UBXN2B: variants seen among roughly 807,000 people sequenced by gnomAD.
UBXN2B encodes the protein UBX domain protein 2B, also known as UBX domain-containing protein 2B.
Under a neutral mutation model 37.5 loss-of-function variants are expected in UBXN2B, and 19 were observed. That is an observed-to-expected ratio of 0.51 (90% CI 0.35 to 0.74). The LOEUF (loss-of-function observed/expected upper bound fraction) is 0.74. UBXN2B is among the 30% of genes least tolerant of loss of function. UBXN2B has a pLI of 0.01. For missense variants in UBXN2B, 370 were observed against 393.2 expected, an observed-to-expected ratio of 0.94 and a Z score of 0.50; for synonymous variants, 145 against 143.8, an observed-to-expected ratio of 1.01 and a Z score of -0.06.
chr8:58,427,493 G>A (rs1423171632), intron 2 of UBXN2B, among the ~76,000 whole-genome samples: 1 of 152,200 alleles, frequency 6.6e-6, no homozygotes, highest in East Asian at 1.9e-4. Flanking sequence ...TTGGATTGAG[G>A]TAGTGTCAAT....
intron 5 of UBXN2B, among the ~76,000 whole-genome samples, chr8:58,436,463 G>A (rs1044872925): frequency 1.3e-5 from 2 of 152,208 alleles, no homozygotes; most frequent in African/African-American, 4.8e-5. Flanking sequence ...ATCTCCTGTT[G>A]CAGTGCATCT....
chr8:58,443,806 C>T (rs1369567276), intron 6 of UBXN2B, among the ~76,000 whole-genome samples: 1 of 151,922 alleles, frequency 6.6e-6, no homozygotes, highest in Non-Finnish European at 1.5e-5. Flanking sequence ...ACACTGCATC[C>T]CAGAAAAATA....
At chr8:58,446,147 T>A (rs1808662336) in intron 7 of UBXN2B, 79 bp downstream of exon 7, 1 of 1,366,252 alleles carries the variant, frequency 7.3e-7, no homozygotes, top group Non-Finnish European at 9.7e-7. Flanking sequence ...GTATGTGACT[T>A]GAGTAATGAA....
intron 2 of UBXN2B, among the ~76,000 whole-genome samples, chr8:58,427,630 G>A (rs1461884305): frequency 6.6e-6 from 1 of 152,122 alleles, no homozygotes; most frequent in Non-Finnish European, 1.5e-5. Flanking sequence ...TTTTAAATTT[G>A]GGATACAGGA....
At chr8:58,427,880 G>A (rs1021033286) in intron 2 of UBXN2B, among the ~76,000 whole-genome samples, 3 of 152,184 alleles carry the variant, frequency 2.0e-5, no homozygotes, top group Admixed American at 6.5e-5. Flanking sequence ...AAGGATATGG[G>A]CATATTTATG....
intron 2 of UBXN2B, among the ~76,000 whole-genome samples, chr8:58,417,784 A>G (rs372658487): frequency 1.1e-4 from 17 of 152,172 alleles, no homozygotes; most frequent in East Asian, 5.8e-4. Context: ...AGTTGGTACA[A>G]TGTTACATTG....
At position 58,448,235 on chromosome 8, in the gene UBXN2B, A is replaced by G. The variant is rs1808723733; in HGVS notation, c.*684A>G. 6.7e-6 allele frequency: 1 copy of G among 149,068 alleles called. No individual in the cohort carries two copies. The highest frequency in any genetic ancestry group is 1.5e-5 in the Non-Finnish European group (1 of 67,692). 9.2% of individuals were successfully genotyped at this position (149,068 alleles called of 1,614,324 possible). A position where few individuals can be genotyped will look rare whatever the true frequency, so the allele number is the denominator to read the frequency against. On this transcript the variant is annotated 3_prime_UTR_variant, in exon 8 of 8. Coordinates refer to ENST00000399598, the MANE Select transcript of UBXN2B (RefSeq NM_001077619.2). ...GTTGCCCAGGCTGGAGTGCAATGGC[A>G]TAATTTCTGCTCACCGCAACCTCCG...
At chr8:58,417,221 T>C (rs1402958863) in intron 2 of UBXN2B, among the ~76,000 whole-genome samples, 1 of 152,170 alleles carries the variant, frequency 6.6e-6, no homozygotes, top group Non-Finnish European at 1.5e-5. Context: ...TCATATGAAA[T>C]TATATCCTGA....
chr8:58,437,314 ATTTC>A (rs1349345514), intron 5 of UBXN2B, among the ~76,000 whole-genome samples: 1 of 107,238 alleles, frequency 9.3e-6, no homozygotes, highest in Non-Finnish European at 1.9e-5. Context: ...GGTGGAAGAA[ATTTC>A]TTTTTTTTTT....
intron 2 of UBXN2B, among the ~76,000 whole-genome samples, chr8:58,420,542 C>T (rs768799670): frequency 3.9e-5 from 6 of 152,156 alleles, no homozygotes; most frequent in Non-Finnish European, 8.8e-5. Context: ...TCTTTTAATA[C>T]TCTGGTACTT....
chr8:58,449,636 G>A lies in UBXN2B; in HGVS notation c.*2085G>A, dbSNP rs549185410. ...CCTGTTCAAAAAGCAGAAACAGATG[G>A]AAAAAGGAGCCATCAGCACCAATCA... is the stretch of plus-strand genomic sequence containing the variant. On this transcript the variant is annotated 3_prime_UTR_variant, in exon 8 of 8. Coordinates refer to ENST00000399598, the MANE Select transcript of UBXN2B (RefSeq NM_001077619.2). The A allele has an allele frequency of 6.6e-6, 1 of 152,286 alleles. No individual in the cohort carries two copies. The highest frequency in any genetic ancestry group is 2.1e-4 in the South Asian group (1 of 4,824). The allele number at this position is 152,286 out of a possible 1,614,324, so 9.4% of individuals were successfully genotyped here.
At chr8:58,441,998 C>T (rs1419584559) in intron 6 of UBXN2B, among the ~76,000 whole-genome samples, 1 of 152,106 alleles carries the variant, frequency 6.6e-6, no homozygotes, top group African/African-American at 2.4e-5. Context: ...AACTATGTCC[C>T]CTAGTCAGGT....
intron 5 of UBXN2B, among the ~76,000 whole-genome samples, chr8:58,437,955 C>CA (rs1401643441): frequency 2.0e-5 from 3 of 151,396 alleles, no homozygotes; most frequent in Admixed American, 2.0e-4. Context: ...AGGCAGCCCC[C>CA]CCCCCAACCC....
At chr8:58,434,587 G>T in intron 5 of UBXN2B, 83 bp downstream of exon 5, 1 of 1,060,776 alleles carries the variant, frequency 9.4e-7, no homozygotes, top group South Asian at 2.0e-5. Context: ...AGTGCACTAC[G>T]GGTTTTCAAG....
intron 1 of UBXN2B, among the ~76,000 whole-genome samples, chr8:58,413,838 A>C (rs1807704479): frequency 6.6e-6 from 1 of 152,074 alleles, no homozygotes; most frequent in African/African-American, 2.4e-5. Context: ...GGTCATGGGG[A>C]AAGTTAGGGG....
Position 58,450,199 on chromosome 8 carries a change from A to G in UBXN2B, c.*2648A>G, listed in dbSNP as rs1808773468. ...CTTTTGCCATTTGAATAGGCCGCGA[A>G]TTTCCCAAATCATCAAGTCCTGGTT... On this transcript the variant is annotated 3_prime_UTR_variant, in exon 8 of 8. Transcript: ENST00000399598. The G allele has an allele frequency of 6.6e-6, 1 of 152,168 alleles. No homozygotes were observed. The highest frequency in any genetic ancestry group is 2.1e-4 in the South Asian group (1 of 4,828). 9.4% of individuals were successfully genotyped at this position (152,168 alleles called of 1,614,324 possible). A position where few individuals can be genotyped will look rare whatever the true frequency, so the allele number is the denominator to read the frequency against.
chr8:58,449,910 CAT>C lies in UBXN2B; in HGVS notation c.*2362_*2363del, dbSNP rs1219950543. On this transcript the variant is annotated 3_prime_UTR_variant, in exon 8 of 8. Transcript: ENST00000399598. ...TGTCAAGAAACTTGTGGGTCTTTTA[CAT>C]ATGTCACAGGGATGCACTCATTTAG... 1 of 152,226 alleles carries C rather than the reference CAT, an allele frequency of 6.6e-6. No homozygotes were observed. Among genetic ancestry groups the C allele is most frequent in the Non-Finnish European group, 1.5e-5 (1 of 68,044 alleles). The allele number at this position is 152,226 out of a possible 1,614,324, so 9.4% of individuals were successfully genotyped here.
chr8:58,431,680 C>T (rs894539350), intron 3 of UBXN2B, among the ~76,000 whole-genome samples: 9 of 152,184 alleles, frequency 5.9e-5, no homozygotes, highest in African/African-American at 2.2e-4. Flanking sequence ...TATATTCCCA[C>T]ATATATGAGA....
chr8:58,437,326 T>TTTTC (rs1441234469), intron 5 of UBXN2B, among the ~76,000 whole-genome samples: 2 of 99,250 alleles, frequency 2.0e-5, no homozygotes, highest in African/African-American at 3.6e-5. Flanking sequence ...TTCTTTTTTT[T>TTTTC]TTTTTTTTTT....
Sources: allele counts gnomAD v4.1 joint callset (sites outside exome capture counted in the v4.1 genomes callset), GRCh38; gene constraint gnomAD v4.1.1; transcripts MANE v1.5; gene names NCBI Gene and HGNC (gene_info 2026-07-23, HGNC 2026-07-21).